MAIP1: variants seen among roughly 807,000 people sequenced by gnomAD.
The protein encoded by MAIP1 is m-AAA protease-interacting protein 1, mitochondrial.
MAIP1 carries 28 observed loss-of-function variants against 31.2 expected under a neutral mutation model. The ratio of observed to expected loss-of-function variants is 0.90; its 90% CI spans 0.67 to 1.23. MAIP1 has a LOEUF of 1.23. Among genes scored for constraint, MAIP1 ranks in the 50% most tolerant of loss-of-function variants. The pLI is 0.00. For missense variants in MAIP1, 339 were observed against 356.0 expected (o/e 0.95, Z 0.38); for synonymous variants, 142 against 142.3 (o/e 1.00, Z 0.02).
intron 4 of MAIP1, 108 bp from the exon 5 acceptor site, chr2:199,963,625 T>G (rs2077647720): frequency 6.5e-6 from 4 of 611,672 alleles, no homozygotes; most frequent in Non-Finnish European, 1.1e-5. Context: ...TATTAACCAT[T>G]ATCTTGTTGC....
intron 1 of MAIP1, among the ~76,000 whole-genome samples, chr2:199,956,505 G>A (rs1448656516): frequency 6.6e-6 from 1 of 152,182 alleles, no homozygotes; most frequent in African/African-American, 2.4e-5. Context: ...ACGTTGTAGT[G>A]AGCTGTGATC....
upstream of MAIP1, chr2:199,955,576 G>T (rs2077593349): frequency 1.4e-6 from 2 of 1,425,904 alleles, no homozygotes; most frequent in Non-Finnish European, 1.9e-6. Flanking sequence ...GGTCCGCGAG[G>T]CCGGCAGACT....
In MAIP1 at chr2:199,963,745, G is replaced by T. The variant is rs755276377; in HGVS notation, c.810G>T (p.Glu270Asp). ...LLSASYEFQREFTQGVKPDWT... is the reference protein window; with the variant it reads ...LLSASYEFQRDFTQGVKPDWT... ...ATGTCTTTCCTAGGTTTCAGAGGGA[G>T]TTCACACAAGGAGTAAAGCCTGACT... The change falls in exon 5 of 5, where the codon GAG (glutamate) becomes GAT (aspartate). Residue 270 changes from glutamate (E) to aspartate (D), a missense_variant. Coordinates refer to ENST00000392290, the MANE Select transcript of MAIP1 (RefSeq NM_001394955.1). 2 of 1,598,470 alleles carry T rather than the reference G, an allele frequency of 1.3e-6. No homozygotes were observed. Among genetic ancestry groups the T allele is most frequent in the Admixed American group, 1.7e-5 (1 of 59,822 alleles).
At chr2:199,959,436 G>A (rs1339819345) in intron 2 of MAIP1, 97 bp downstream of exon 2, 3 of 764,656 alleles carry the variant, frequency 3.9e-6, no homozygotes, top group Non-Finnish European at 6.9e-6. Flanking sequence ...AATAGTGTGT[G>A]TGCCAGCATC....
At chr2:199,955,441 C>A, upstream of MAIP1, 2 of 1,613,920 alleles carry the variant, frequency 1.2e-6, no homozygotes, top group Non-Finnish European at 1.7e-6. Context: ...CGCCCTCCAG[C>A]CGGGGTACCG....
At chr2:199,963,505 A>C (rs533934481) in intron 4 of MAIP1, among the ~76,000 whole-genome samples, 1 of 152,308 alleles carries the variant, frequency 6.6e-6, no homozygotes, top group South Asian at 2.1e-4. Context: ...AATATAGATT[A>C]GTCCATTAAA....
intron 3 of MAIP1, among the ~76,000 whole-genome samples, chr2:199,960,163 C>G (rs1387355880): frequency 1.3e-5 from 2 of 152,120 alleles, no homozygotes; most frequent in African/African-American, 4.8e-5. Flanking sequence ...TCCCACGTCT[C>G]AAATAGAAAA....
chr2:199,961,734 A>C, intron 3 of MAIP1, 47 bp from the exon 4 acceptor site: 2 of 1,529,148 alleles, frequency 1.3e-6, no homozygotes, highest in Non-Finnish European at 1.8e-6. Flanking sequence ...TGGATGATAG[A>C]TTATTTTGAT....
chr2:199,960,378 GTTC>G (rs1191625014), intron 3 of MAIP1, among the ~76,000 whole-genome samples: 5 of 152,178 alleles, frequency 3.3e-5, no homozygotes, highest in Non-Finnish European at 7.3e-5. Context: ...TGGTTATCTG[GTTC>G]TTCTTGTCTG....
intron 1 of MAIP1, 58 bp downstream of exon 1, chr2:199,956,306 A>T: frequency 7.3e-7 from 1 of 1,362,510 alleles, no homozygotes; most frequent in Non-Finnish European, 1.0e-6. Flanking sequence ...TATTGCTCGC[A>T]GAAGTGCTTA....
intron 1 of MAIP1, among the ~76,000 whole-genome samples, chr2:199,956,732 T>C (rs559471376): frequency 6.6e-6 from 1 of 152,330 alleles, no homozygotes; most frequent in East Asian, 1.9e-4. Flanking sequence ...TGCTGTAATG[T>C]CACCTTGGGT....
chr2:199,957,991 G>A (rs779588066), intron 1 of MAIP1, among the ~76,000 whole-genome samples: 4 of 152,136 alleles, frequency 2.6e-5, no homozygotes, highest in Non-Finnish European at 4.4e-5. Context: ...CATTTTTGGG[G>A]TCACTCCAGT....
At chr2:199,962,610 G>T (rs1307532099) in intron 4 of MAIP1, among the ~76,000 whole-genome samples, 1 of 152,160 alleles carries the variant, frequency 6.6e-6, no homozygotes, top group Admixed American at 6.5e-5. Context: ...AAACCAGCAA[G>T]GCCACATAGC....
chr2:199,956,582 T>C (rs918041523), intron 1 of MAIP1, among the ~76,000 whole-genome samples: 1 of 152,156 alleles, frequency 6.6e-6, no homozygotes, highest in African/African-American at 2.4e-5. Flanking sequence ...GCTATATGGC[T>C]CATCTTGTCT....
intron 1 of MAIP1, among the ~76,000 whole-genome samples, chr2:199,957,360 C>T (rs1454325915): frequency 6.6e-6 from 1 of 152,182 alleles, no homozygotes; most frequent in East Asian, 1.9e-4. Context: ...CCACTGCACT[C>T]CAGCCTGGGT....
chr2:199,959,074 CACTT>C (rs1444271422), intron 1 of MAIP1, among the ~76,000 whole-genome samples, 190 bp from the exon 2 acceptor site: 3 of 152,188 alleles, frequency 2.0e-5, no homozygotes, highest in African/African-American at 7.2e-5. Context: ...AAGGTCAAGT[CACTT>C]ACTGCTATAT....
At chr2:199,957,261 G>A (rs1438903600) in intron 1 of MAIP1, among the ~76,000 whole-genome samples, 2 of 152,094 alleles carry the variant, frequency 1.3e-5, no homozygotes, top group Non-Finnish European at 2.9e-5. Context: ...TAGGCGTGGC[G>A]AGCCCCTGTA....
rs965569009 is a variant in MAIP1 at position 199,956,356 on chromosome 2, T to A, written c.450+108T>A. 71 of 897,530 alleles carry A rather than the reference T, an allele frequency of 7.9e-5. No individual in the cohort carries two copies. In the East Asian group the frequency reaches 1.7e-3, roughly 21 times the overall value. 55.6% of individuals were successfully genotyped at this position (897,530 alleles called of 1,614,324 possible). A position where few individuals can be genotyped will look rare whatever the true frequency, so the allele number is the denominator to read the frequency against. On this transcript the variant is annotated intron_variant, in intron 1 of 4. Coordinates refer to ENST00000392290, the MANE Select transcript of MAIP1 (RefSeq NM_001394955.1). ...TCACTGGGATACAAGTGATCAAACGTGATTAGTGGCCCAGACATAGAGCCT... is the reference window on the plus strand; with the variant it reads ...TCACTGGGATACAAGTGATCAAACGAGATTAGTGGCCCAGACATAGAGCCT...
rs1364495538 is a variant in MAIP1 at position 199,963,808 on chromosome 2, A to G, written c.873A>G (p.Glu291=). ...GGATTGAACACTCAAAATTATTAGA[A>G]TAATTTTCTTGGAAAAATCAGCTTA... ...IARIEHSKLL[E] Residue 291 remains glutamate (E), a synonymous_variant, in exon 5 of 5, where the codon GAA becomes GAG. Transcript: ENST00000392290. 1.5e-5 allele frequency: 24 copies of G among 1,602,746 alleles called. No homozygotes were observed. The highest frequency in any genetic ancestry group is 2.0e-5 in the Non-Finnish European group (24 of 1,170,768).
Sources: gnomAD v4.1 joint callset for allele counts (sites outside exome capture counted in the v4.1 genomes callset) on GRCh38, gnomAD v4.1.1 for gene constraint, MANE v1.5 for transcripts, NCBI Gene and HGNC (gene_info 2026-07-23, HGNC 2026-07-21) for gene names.